The following ZBTB41 variants were observed in gnomAD, a reference collection of about 807,000 sequenced individuals.
The protein encoded by ZBTB41 is zinc finger and BTB domain-containing protein 41.
Under a neutral mutation model 87.6 loss-of-function variants are expected in ZBTB41, and 42 were observed. The ratio of observed to expected loss-of-function variants is 0.48; its 90% CI spans 0.37 to 0.62. The LOEUF is 0.62. Among genes scored for constraint, ZBTB41 ranks in the 20% least tolerant of loss-of-function variants. ZBTB41 has a pLI of 0.00. For missense variants in ZBTB41, 799 were observed against 1,078.9 expected (o/e 0.74, Z 3.63); for synonymous variants, 364 against 364.0 (o/e 1.00, Z 0.00).
At chr1:197,191,656 C>A (rs1287539322) in intron 3 of ZBTB41, 36 bp downstream of exon 3, 1 of 1,536,802 alleles carries the variant, frequency 6.5e-7, no homozygotes, top group Non-Finnish European at 8.8e-7. Context: ...TTAAAAGGCA[C>A]AATAAAGTAT....
At chr1:197,188,537 G>T in intron 4 of ZBTB41, 98 bp from the exon 5 acceptor site, 2 of 1,157,084 alleles carry the variant, frequency 1.7e-6, no homozygotes, top group Non-Finnish European at 1.2e-6. Flanking sequence ...TCAATAAAGA[G>T]ACTTTTCTCC....
At chr1:197,179,521 T>C (rs932080751) in intron 6 of ZBTB41, among the ~76,000 whole-genome samples, 15 of 151,962 alleles carry the variant, frequency 9.9e-5, no homozygotes, top group Admixed American at 9.2e-4. Context: ...CTTCTACTTA[T>C]TAAAAAAAAA....
At chr1:197,163,492 T>C (rs1408842656) in intron 10 of ZBTB41, among the ~76,000 whole-genome samples, 1 of 151,984 alleles carries the variant, frequency 6.6e-6, no homozygotes, top group African/African-American at 2.4e-5. Flanking sequence ...AGATGCCTAA[T>C]GTACATGTAA....
intron 10 of ZBTB41, among the ~76,000 whole-genome samples, chr1:197,170,449 G>C (rs573919386): frequency 3.3e-5 from 5 of 152,134 alleles, no homozygotes; most frequent in Admixed American, 3.3e-4. Context: ...CCTTGATAAA[G>C]ATACCCTAGC....
At position 197,186,883 on chromosome 1, in the gene ZBTB41, C is replaced by CA. The variant is rs542191239; in HGVS notation, c.1546+1408dup. ...TGTCACAAAAAAACAAACAAAAAAA[C>CA]AAAAAAACCAAAAAAAATTGGGCCA... On this transcript the variant is annotated intron_variant, in intron 5 of 10. Transcript: ENST00000367405. Among the ~76,000 whole-genome samples the CA allele has an allele frequency of 6.5e-4, 99 of 151,522 alleles. 1 individual carries two copies. Among genetic ancestry groups the CA allele is most frequent in the Admixed American group, 1.8e-3 (28 of 15,186 alleles).
chr1:197,182,062 A>T (rs1659759661), intron 5 of ZBTB41, among the ~76,000 whole-genome samples: 1 of 151,788 alleles, frequency 6.6e-6, no homozygotes, highest in Non-Finnish European at 1.5e-5. Flanking sequence ...AAATCTCTCC[A>T]CCTCCTCTGA....
In ZBTB41 at chr1:197,159,261, A is replaced by G; in HGVS notation, c.*98T>C. 8.3e-7 allele frequency: 1 copy of G among 1,211,004 alleles called. No homozygotes were observed. The highest frequency in any genetic ancestry group is 2.1e-5 in the Admixed American group (1 of 47,160). 75.0% of individuals were successfully genotyped at this position (1,211,004 alleles called of 1,614,324 possible). ...AACTGTTCTGAGGACTTGAGAAACT[A>G]GAGAAAACAAGAAAATAGCAGCCCC... On this transcript the variant is annotated 3_prime_UTR_variant, in exon 11 of 11. Coordinates refer to ENST00000367405, the MANE Select transcript of ZBTB41 (RefSeq NM_194314.3).
intron 7 of ZBTB41, among the ~76,000 whole-genome samples, chr1:197,177,430 G>T (rs1417825027): frequency 6.6e-6 from 1 of 152,022 alleles, no homozygotes; most frequent in Non-Finnish European, 1.5e-5. Flanking sequence ...TTCTTTGTAA[G>T]TTACCCAGTC....
chr1:197,186,393 A>G (rs1659884359), intron 5 of ZBTB41, among the ~76,000 whole-genome samples: 1 of 152,230 alleles, frequency 6.6e-6, no homozygotes, highest in East Asian at 1.9e-4. Flanking sequence ...CGCACAATCC[A>G]TGAAAGAAAC....
rs759693528 is a variant in ZBTB41, at chr1:197,188,329, C to A, written c.1509G>T (p.Arg503=). 4 of 1,613,496 alleles carry A rather than the reference C, an allele frequency of 2.5e-6. No homozygotes were observed. Among genetic ancestry groups the A allele is most frequent in the Non-Finnish European group, 3.4e-6 (4 of 1,179,838 alleles). The change falls in exon 5 of 11, where the codon CGG becomes CGT. Residue 503 remains arginine, a synonymous_variant. Transcript: ENST00000367405. ...TTTCTTGATGCTTTAACCGAGCAAA[C>A]CGTGATTTAAAATGTTCTTCACAAT... ...CTYCEEHFKS[R]FARLKHQEKF...
chr1:197,183,090 C>T (rs1315057104), intron 5 of ZBTB41, among the ~76,000 whole-genome samples: 1 of 151,988 alleles, frequency 6.6e-6, no homozygotes, highest in Non-Finnish European at 1.5e-5. Flanking sequence ...TGTACACACA[C>T]ACAAATACAG....
chr1:197,185,985 T>A (rs1171608877), intron 5 of ZBTB41, among the ~76,000 whole-genome samples: 1 of 151,828 alleles, frequency 6.6e-6, no homozygotes, highest in Non-Finnish European at 1.5e-5. Context: ...AAAGTTAATA[T>A]GGAAAGGCAA....
chr1:197,199,288 T>C lies in ZBTB41; in HGVS notation c.1120+66A>G, dbSNP rs1380497713. ...TTACTTTCCAAGTTTAGTTTTTATTTATCACCTTTAAAATATCCAAGAAAA... is the reference window on the plus strand; with the variant it reads ...TTACTTTCCAAGTTTAGTTTTTATTCATCACCTTTAAAATATCCAAGAAAA... On this transcript the variant is annotated intron_variant, in intron 2 of 10. Coordinates refer to ENST00000367405, the MANE Select transcript of ZBTB41 (RefSeq NM_194314.3). 5.0e-6 allele frequency: 7 copies of C among 1,400,126 alleles called. No individual in the cohort carries two copies. The East Asian group carries it at 1.3e-4, about 25-fold the overall frequency. The allele number at this position is 1,400,126 out of a possible 1,614,324, so 86.7% of individuals were successfully genotyped here.
chr1:197,195,008 G>A (rs1425657425), intron 2 of ZBTB41, among the ~76,000 whole-genome samples: 1 of 151,992 alleles, frequency 6.6e-6, no homozygotes, highest in Non-Finnish European at 1.5e-5. Context: ...GTTTCGTTTT[G>A]TTTTTTGCCA....
intron 5 of ZBTB41, among the ~76,000 whole-genome samples, chr1:197,182,516 A>C (rs1659771164): frequency 6.6e-6 from 1 of 151,930 alleles, no homozygotes; most frequent in African/African-American, 2.4e-5. Context: ...GGCTCAAGTG[A>C]TCCTCCCACC....
intron 10 of ZBTB41, among the ~76,000 whole-genome samples, chr1:197,170,198 TAAGGA>T (rs1659444203): frequency 6.6e-6 from 1 of 151,636 alleles, no homozygotes; most frequent in Admixed American, 6.6e-5. Context: ...GAAATCTAGT[TAAGGA>T]AATTCTAAAA....
At chr1:197,160,286 GT>G (rs1659168674) in intron 10 of ZBTB41, among the ~76,000 whole-genome samples, 1 of 152,134 alleles carries the variant, frequency 6.6e-6, no homozygotes, top group Non-Finnish European at 1.5e-5. Context: ...TTTCTCATCT[GT>G]AATATGGAAT....
chr1:197,179,875 T>C (rs1659702031), intron 6 of ZBTB41, among the ~76,000 whole-genome samples: 1 of 152,096 alleles, frequency 6.6e-6, no homozygotes, highest in African/African-American at 2.4e-5. Context: ...AGTAAGAAGG[T>C]TGAAAAAATC....
At chr1:197,188,776 T>C (rs1659947481) in intron 4 of ZBTB41, among the ~76,000 whole-genome samples, 1 of 152,202 alleles carries the variant, frequency 6.6e-6, no homozygotes, top group Non-Finnish European at 1.5e-5. Context: ...AAAGGTTTTT[T>C]CAGTGTTGCC....
Sources: gnomAD v4.1 joint callset for allele counts (sites outside exome capture counted in the v4.1 genomes callset) on GRCh38, gnomAD v4.1.1 for gene constraint, MANE v1.5 for transcripts, NCBI Gene and HGNC (gene_info 2026-07-23, HGNC 2026-07-21) for gene names.